The following FBN2 variants were observed in gnomAD, a reference collection of about 807,000 sequenced individuals.
FBN2 encodes fibrillin 2.
A neutral mutation model predicts 355.6 loss-of-function variants in FBN2; 105 were observed. That is an observed-to-expected ratio of 0.30 (90% confidence interval 0.25 to 0.35). The LOEUF (loss-of-function observed/expected upper bound fraction) is 0.35, where lower values mean the gene tolerates loss of function less well. Among genes scored for constraint, FBN2 ranks in the 10% least tolerant of loss-of-function variants. The pLI, the probability that FBN2 is intolerant of heterozygous loss-of-function variation, is 1.00. For synonymous variants in FBN2, 1,350 were observed against 1,301.2 expected (o/e 1.04, Z -0.81); for missense variants, 3,280 against 3,758.7 (o/e 0.87, Z 3.33).
intron 15 of FBN2, among the ~76,000 whole-genome samples, chr5:128,372,779 A>G (rs1221296786): frequency 6.6e-6 from 1 of 152,110 alleles, no homozygotes; most frequent in African/African-American, 2.4e-5. Context: ...GGCATGCACC[A>G]CTACACTTGG....
At chr5:128,310,333 T>C (rs1231465991) in intron 39 of FBN2, among the ~76,000 whole-genome samples, 1 of 145,158 alleles carries the variant, frequency 6.9e-6, no homozygotes, top group Non-Finnish European at 1.5e-5. Context: ...AAAGAAATTA[T>C]TCTAAAGTGG....
At chr5:128,321,272 A>C (rs1750364405) in intron 34 of FBN2, among the ~76,000 whole-genome samples, 1 of 152,158 alleles carries the variant, frequency 6.6e-6, no homozygotes, top group African/African-American at 2.4e-5. Flanking sequence ...TTGATATTGA[A>C]TATTTCTGTT....
At chr5:128,437,270 G>GA (rs1753792585) in intron 7 of FBN2, among the ~76,000 whole-genome samples, 1 of 152,112 alleles carries the variant, frequency 6.6e-6, no homozygotes, top group African/African-American at 2.4e-5. Context: ...AACACGCTAT[G>GA]GTATAGCTAC....
At position 128,290,698 on chromosome 5, in the gene FBN2, A is replaced by G. The variant is rs1457525683; in HGVS notation, c.6445+34T>C. On this transcript the variant is annotated intron_variant, in intron 50 of 64. Transcript: ENST00000262464. ...CTGGCAAACATTCAAAAACTGGTAC[A>G]CAAAGTGCTGTCTGATGATGTCATT... 3 of 1,610,880 alleles carry G rather than the reference A, an allele frequency of 1.9e-6. No individual in the cohort carries two copies. The South Asian group carries it at 3.3e-5, about 18-fold the overall frequency.
intron 48 of FBN2, 119 bp downstream of exon 48, chr5:128,300,698 T>G: frequency 2.0e-6 from 2 of 990,380 alleles, no homozygotes; most frequent in Non-Finnish European, 3.2e-6. Context: ...GGCAGCTATA[T>G]GTTTAATTCC....
chr5:128,335,439 G>A lies in FBN2; in HGVS notation c.3847+16C>T. On this transcript the variant is annotated intron_variant, in intron 29 of 64. Coordinates refer to ENST00000262464, the MANE Select transcript of FBN2 (RefSeq NM_001999.4). ...TTAGTTAGATGTACAAAACCTGTGT[G>A]TTTTCCTTTCTATACCTGCACACGA... 6.2e-7 allele frequency: 1 copy of A among 1,614,156 alleles called. No homozygotes were observed. The highest frequency in any genetic ancestry group is 8.5e-7 in the Non-Finnish European group (1 of 1,179,976).
intron 36 of FBN2, among the ~76,000 whole-genome samples, chr5:128,316,625 A>G (rs1668030793): frequency 1.3e-5 from 2 of 152,214 alleles, no homozygotes; most frequent in Non-Finnish European, 2.9e-5. Flanking sequence ...CTACCAGCAG[A>G]ACAGAATGCT....
At chr5:128,278,094 GATGAC>G (rs1261337668) in intron 57 of FBN2, 89 bp from the exon 58 acceptor site, 2 of 1,391,950 alleles carry the variant, frequency 1.4e-6, no homozygotes, top group Non-Finnish European at 2.0e-6. Flanking sequence ...AAGAAATGGA[GATGAC>G]ATAACTAACT....
At chr5:128,305,469 T>C in intron 44 of FBN2, 42 bp downstream of exon 44, 1 of 1,611,770 alleles carries the variant, frequency 6.2e-7, no homozygotes, top group Non-Finnish European at 8.5e-7. Flanking sequence ...ATCTAAGGAA[T>C]CTTGTGCTCA....
intron 20 of FBN2, 140 bp from the exon 21 acceptor site, chr5:128,351,145 G>A (rs191454509): frequency 3.0e-6 from 3 of 1,003,040 alleles, no homozygotes; most frequent in East Asian, 5.2e-5. Context: ...CACTTTGGGA[G>A]GCTGAGGAGG....
chr5:128,382,532 AC>A (rs1038071147), intron 11 of FBN2, among the ~76,000 whole-genome samples: 130 of 152,046 alleles, frequency 8.6e-4, no homozygotes, highest in African/African-American at 3.1e-3. Context: ...CTGTAACTCT[AC>A]CCCGGACATT....
At chr5:128,310,416 TTTTTTATTGCA>T (rs1750023397) in intron 39 of FBN2, among the ~76,000 whole-genome samples, 1 of 135,700 alleles carries the variant, frequency 7.4e-6, no homozygotes, top group East Asian at 2.1e-4. Flanking sequence ...TTTTTTTTTT[TTTTTTATTGCA>T]ATTCGCATTC....
intron 5 of FBN2, among the ~76,000 whole-genome samples, chr5:128,491,736 T>C (rs116050516): frequency 6.6e-6 from 1 of 152,194 alleles, no homozygotes; most frequent in East Asian, 1.9e-4. Context: ...AAAGTCTACC[T>C]TGATGAATAA....
intron 5 of FBN2, among the ~76,000 whole-genome samples, chr5:128,496,935 A>G (rs1002856558): frequency 6.6e-6 from 1 of 152,140 alleles, no homozygotes; most frequent in African/African-American, 2.4e-5. Flanking sequence ...TAAAACTGAA[A>G]CAACTCTATT....
At chr5:128,350,747 T>G in intron 21 of FBN2, 121 bp downstream of exon 21, 1 of 1,171,518 alleles carries the variant, frequency 8.5e-7, no homozygotes, top group Non-Finnish European at 1.3e-6. Flanking sequence ...AAAGATAACA[T>G]TTTAGCAAAA....
chr5:128,322,560 GT>G (rs1169269399), intron 34 of FBN2, among the ~76,000 whole-genome samples: 3 of 151,976 alleles, frequency 2.0e-5, no homozygotes, highest in Non-Finnish European at 4.4e-5. Flanking sequence ...CCCATTGCTT[GT>G]TTTTTTCAGG....
intron 4 of FBN2, among the ~76,000 whole-genome samples, chr5:128,520,571 T>G (rs949439722): frequency 2.0e-5 from 3 of 152,192 alleles, no homozygotes; most frequent in African/African-American, 7.2e-5. Context: ...AGCACAGTAA[T>G]GCTGCTATTT....
chr5:128,274,618 AC>A lies in FBN2; in HGVS notation c.7659del (p.Phe2554LeufsTer57), dbSNP rs748600284. The A allele has an allele frequency of 1.2e-6, 2 of 1,612,930 alleles. No homozygotes were observed. Among genetic ancestry groups the A allele is most frequent in the Non-Finnish European group, 1.7e-6 (2 of 1,179,152 alleles). On this transcript the variant is annotated frameshift_variant, in exon 60 of 65. Coordinates refer to ENST00000262464, the MANE Select transcript of FBN2 (RefSeq NM_001999.4). LOFTEE classifies it high-confidence loss of function. ...AAACCAGGTGGACATTTACAGGTAA[AC>A]CCCCCCAGGGTGTTGACACAGAGGA... ...CQFLCVNTLGGFTCKCPPGFT... is the reference protein window; with the variant it reads ...CQFLCVNTLGXFTCKCPPGFT...
intron 5 of FBN2, among the ~76,000 whole-genome samples, chr5:128,473,730 T>C (rs1335548889): frequency 2.0e-5 from 3 of 152,246 alleles, no homozygotes; most frequent in Admixed American, 6.5e-5. Flanking sequence ...CCAATTACCA[T>C]GCCCAGGTTT....
Sources: gnomAD v4.1 joint callset for allele counts (sites outside exome capture counted in the v4.1 genomes callset) on GRCh38, gnomAD v4.1.1 for gene constraint, MANE v1.5 for transcripts, NCBI Gene and HGNC (gene_info 2026-07-23, HGNC 2026-07-21) for gene names.